MFF: variants seen among roughly 807,000 people sequenced by gnomAD.
The protein encoded by MFF is mitochondrial fission factor, also known as chromosome 2 open reading frame 33.
In MFF, 12 loss-of-function variants were observed where a neutral mutation model predicts 36.9. The observed-to-expected ratio is 0.33, with a 90% CI of 0.21 to 0.53. MFF has a LOEUF of 0.53. Among genes scored for constraint, MFF ranks in the 20% least tolerant of loss-of-function variants. MFF has a pLI of 0.95. For missense variants in MFF, 348 were observed against 366.6 expected (o/e 0.95, Z 0.42); for synonymous variants, 99 against 126.2 (o/e 0.78, Z 1.44).
intron 1 of MFF, among the ~76,000 whole-genome samples, chr2:227,326,891 C>T (rs2074191506): frequency 6.6e-6 from 1 of 152,056 alleles, no homozygotes; most frequent in Non-Finnish European, 1.5e-5. Context: ...ACTTCCGAGG[C>T]TTTCTGGGTT....
At chr2:227,351,580 A>T (rs1233670287) in intron 6 of MFF, 1 of 152,204 alleles carries the variant, frequency 6.6e-6, no homozygotes. Flanking sequence ...TCAAATCTTT[A>T]TATGGATCCA....
chr2:227,352,659 C>G (rs1234070245), intron 7 of MFF, 86 bp downstream of exon 7: 7 of 1,082,004 alleles, frequency 6.5e-6, no homozygotes, highest in Non-Finnish European at 9.6e-6. Context: ...GTAGCCATGC[C>G]TGTGTTTGTA....
chr2:227,340,441 C>T (rs550338457), intron 5 of MFF, 61 bp downstream of exon 5: 4 of 1,206,982 alleles, frequency 3.3e-6, no homozygotes, highest in East Asian at 2.4e-5. Context: ...TTTTCTGTAC[C>T]CATGTTTTTC....
Position 227,332,431 on chromosome 2 carries a change from A to G in MFF, c.194A>G (p.Asp65Gly), listed in dbSNP as rs1433009568. The stretch of plus-strand genomic sequence containing the variant: ...TGAAAACTCCTAGGAAATAATGAAG[A>G]TGTTTCATTTTCAAGACCAGCAGAT... ...ERIVVAGNNE[D>G]VSFSRPADLD... is the part of the protein sequence containing the mutation. The change falls in exon 4 of 9, where the codon GAT (aspartate) becomes GGT (glycine). Residue 65 changes from aspartate to glycine, a missense_variant. Asp to Gly is a moderately conservative substitution (Grantham distance 94, BLOSUM62 -1). Transcript: ENST00000304593. 1.9e-6 allele frequency: 3 copies of G among 1,604,492 alleles called. No homozygotes were observed. Among genetic ancestry groups the G allele is most frequent in the South Asian group, 2.3e-5 (2 of 88,724 alleles).
At chr2:227,329,508 A>G in intron 2 of MFF, 1 of 387,712 alleles carries the variant, frequency 2.6e-6, no homozygotes, top group Non-Finnish European at 4.6e-6. Context: ...GCCATGTTCA[A>G]ATCCAAAAGT....
chr2:227,344,902 T>C (rs1384726545), intron 5 of MFF, among the ~76,000 whole-genome samples: 2 of 152,224 alleles, frequency 1.3e-5, no homozygotes, highest in Non-Finnish European at 2.9e-5. Context: ...TTTACTAGTA[T>C]TGATAAAAAC....
intron 7 of MFF, 41 bp from the exon 8 acceptor site, chr2:227,355,636 C>T: frequency 2.7e-6 from 3 of 1,099,918 alleles, no homozygotes; most frequent in East Asian, 2.4e-5. Context: ...ACTCTGAGTT[C>T]TACTTTACTA....
intron 5 of MFF, among the ~76,000 whole-genome samples, chr2:227,344,684 G>A (rs945786153): frequency 1.5e-4 from 23 of 151,812 alleles, no homozygotes; most frequent in Middle Eastern, 3.4e-3. Context: ...ACCAAACAAG[G>A]ACATTTAATC....
At chr2:227,335,097 G>A (rs116807925) in intron 4 of MFF, among the ~76,000 whole-genome samples, 81 of 151,856 alleles carry the variant, frequency 5.3e-4, no homozygotes, top group African/African-American at 1.9e-3. Context: ...CTTGAACCCC[G>A]GGGTGGAGGT....
At chr2:227,354,918 T>C (rs576496870) in intron 7 of MFF, among the ~76,000 whole-genome samples, 2 of 152,200 alleles carry the variant, frequency 1.3e-5, no homozygotes, top group East Asian at 1.9e-4. Flanking sequence ...CCCAGCAATT[T>C]AGGAGGCTGA....
At chr2:227,356,882 A>G (rs1051390077) in intron 8 of MFF, 104 bp from the exon 9 acceptor site, 3 of 885,012 alleles carry the variant, frequency 3.4e-6, no homozygotes, top group African/African-American at 3.4e-5. Context: ...TTGTAATAAT[A>G]CTTTTGTTGA....
intron 6 of MFF, among the ~76,000 whole-genome samples, chr2:227,348,268 G>C (rs2075815017): frequency 6.6e-6 from 1 of 152,112 alleles, no homozygotes; most frequent in African/African-American, 2.4e-5. Context: ...TATGACTTCT[G>C]ACTTGCACTG....
In MFF at chr2:227,352,541, C is replaced by T. The variant is rs747421782; in HGVS notation, c.627C>T (p.Ala209=). The T allele has an allele frequency of 1.9e-5, 31 of 1,613,654 alleles. No homozygotes were observed. The highest frequency in any genetic ancestry group is 1.6e-4 in the Middle Eastern group (1 of 6,080). The change falls in exon 7 of 9, where the codon GCC becomes GCT. Residue 209 remains alanine (A), a synonymous_variant. Coordinates refer to ENST00000304593, the MANE Select transcript of MFF (RefSeq NM_001277062.2). ...CTGTGTTGCGTGGTGGGTCTGCTGC[C>T]GCCACTTCTAATCCTCATCATGACA... ...RRPVLRGGSA[A]ATSNPHHDNV...
At position 227,355,666 on chromosome 2, in the gene MFF, C is replaced by G; in HGVS notation, c.660-11C>G. On this transcript the variant is annotated splice_polypyrimidine_tract_variant and intron_variant, in intron 7 of 8. Coordinates refer to ENST00000304593, the MANE Select transcript of MFF (RefSeq NM_001277062.2). ...TTACTATTCATTTGTATTTCTATCT[C>G]TTATCTGCAGGTATGGCATTTCAAA... The G allele has an allele frequency of 7.2e-7, 1 of 1,379,964 alleles. No homozygotes were observed. The highest frequency in any genetic ancestry group is 9.9e-7 in the Non-Finnish European group (1 of 1,011,992). 85.5% of individuals were successfully genotyped at this position (1,379,964 alleles called of 1,614,324 possible).
intron 2 of MFF, chr2:227,329,610 A>G (rs2074420326): frequency 1.5e-6 from 1 of 655,016 alleles, no homozygotes; most frequent in Non-Finnish European, 2.8e-6. Context: ...TTACAGCTGG[A>G]AAAGCAGTGT....
At position 227,357,055 on chromosome 2, in the gene MFF, G is replaced by A. The variant is rs769543742; in HGVS notation, c.814G>A (p.Val272Ile). 2 of 1,612,828 alleles carry A rather than the reference G, an allele frequency of 1.2e-6. No homozygotes were observed. The highest frequency in any genetic ancestry group is 2.2e-5 in the East Asian group (1 of 44,878). The change falls in exon 9 of 9, where the codon GTC (valine) becomes ATC (isoleucine). Residue 272 changes from valine to isoleucine, a missense_variant. Coordinates refer to ENST00000304593, the MANE Select transcript of MFF (RefSeq NM_001277062.2). ...CAAAGAACGTGCTAAAAGAGAAATG[G>A]TCATGTATTCAATTACTGTAGCTTT... ...ENKERAKREMVMYSITVAFWL... is the reference protein window; with the variant it reads ...ENKERAKREMIMYSITVAFWL...
At chr2:227,338,995 G>A (rs1225336940) in intron 4 of MFF, among the ~76,000 whole-genome samples, 1 of 151,914 alleles carries the variant, frequency 6.6e-6, no homozygotes, top group South Asian at 2.1e-4. Context: ...TTGAGCTCAG[G>A]AGTTCGAGAC....
intron 1 of MFF, among the ~76,000 whole-genome samples, chr2:227,327,417 T>G (rs1049478554): frequency 4.0e-5 from 6 of 151,722 alleles, no homozygotes; most frequent in African/African-American, 1.5e-4. Context: ...AATGCCACAG[T>G]CTAACGAGGG....
chr2:227,332,455 A>G lies in MFF; in HGVS notation c.218A>G (p.Asp73Gly), dbSNP rs766057611. Residue 73 changes from aspartate (D) to glycine (G), a missense_variant, in exon 4 of 9, where the codon GAT becomes GGT. Coordinates refer to ENST00000304593, the MANE Select transcript of MFF (RefSeq NM_001277062.2). ...GATGTTTCATTTTCAAGACCAGCAG[A>G]TCTTGACCTTATTCAGTCAACTCCC... ...NEDVSFSRPA[D>G]LDLIQSTPFK... 1 of 1,613,418 alleles carries G rather than the reference A, an allele frequency of 6.2e-7. No individual in the cohort carries two copies. The highest frequency in any genetic ancestry group is 2.2e-5 in the East Asian group (1 of 44,844).
Sources: gnomAD v4.1 joint callset for allele counts (sites outside exome capture counted in the v4.1 genomes callset) on GRCh38, gnomAD v4.1.1 for gene constraint, MANE v1.5 for transcripts, NCBI Gene and HGNC (gene_info 2026-07-23, HGNC 2026-07-21) for gene names.